The following SCN2A variants were observed in gnomAD, a reference collection of about 807,000 sequenced individuals.
The protein encoded by SCN2A is sodium channel protein type 2 subunit alpha.
SCN2A carries 20 observed loss-of-function variants against 188.7 expected under a neutral mutation model. That is an observed-to-expected ratio of 0.11 (90% confidence interval 0.07 to 0.15). The LOEUF is 0.15. Among genes scored for constraint, SCN2A ranks in the 10% least tolerant of loss-of-function variants. The probability of loss-of-function intolerance (pLI) is 1.00; values close to 1 mark genes in which losing one functional copy is unlikely to be tolerated. For missense variants in SCN2A, 1,278 were observed against 2,445.0 expected (o/e 0.52, Z 10.07); for synonymous variants, 804 against 833.1 (o/e 0.97, Z 0.60).
intron 16 of SCN2A, among the ~76,000 whole-genome samples, chr2:165,353,315 A>G (rs1700023056): frequency 6.6e-6 from 1 of 152,302 alleles, no homozygotes; most frequent in South Asian, 2.1e-4. Context: ...CCAGCAATAA[A>G]TACGTTTTTG....
At chr2:165,283,475 C>T (rs912038476) in intron 1 of SCN2A, among the ~76,000 whole-genome samples, 1 of 152,178 alleles carries the variant, frequency 6.6e-6, no homozygotes, top group African/African-American at 2.4e-5. Flanking sequence ...GTAAGCTCAT[C>T]CTCCATGCCT....
chr2:165,377,018 G>T (rs1487858131), intron 22 of SCN2A, among the ~76,000 whole-genome samples: 2 of 151,916 alleles, frequency 1.3e-5, no homozygotes, highest in Non-Finnish European at 2.9e-5. Flanking sequence ...CAACGGAGCA[G>T]AAAACAAATA....
Position 165,287,322 on chromosome 2 carries a change from C to A in SCN2A, c.-51-8451C>A, listed in dbSNP as rs188992393. ...GTGATCTGCCAGCACTTGGGAGGGG[C>A]AATATGTGCAGTGTGTTTACTGAAG... is the stretch of plus-strand genomic sequence containing the variant. On this transcript the variant is annotated intron_variant, in intron 1 of 26. Transcript: ENST00000375437. Among the ~76,000 whole-genome samples the A allele has an allele frequency of 3.3e-5, 5 of 152,210 alleles. No individual in the cohort carries two copies. In the East Asian group the frequency reaches 9.7e-4, roughly 29 times the overall value.
intron 23 of SCN2A, among the ~76,000 whole-genome samples, chr2:165,378,764 C>T (rs1432545): frequency 0.42 from 63,102 of 151,420 alleles, 13,324 homozygotes; most frequent in East Asian, 0.54. Flanking sequence ...AGACCTTTTC[C>T]GCTGCAAAAC....
chr2:165,358,773 A>G (rs1022992660), intron 17 of SCN2A, among the ~76,000 whole-genome samples: 2 of 151,840 alleles, frequency 1.3e-5, no homozygotes, highest in Non-Finnish European at 2.9e-5. Flanking sequence ...TGATCCACAA[A>G]CTCCTGTATA....
At chr2:165,251,314 A>G (rs1694081535) in intron 1 of SCN2A, among the ~76,000 whole-genome samples, 1 of 152,096 alleles carries the variant, frequency 6.6e-6, no homozygotes. Flanking sequence ...TCTGTGATTC[A>G]AGTGAGAGTC....
Position 165,313,612 on chromosome 2 carries a change from A to G in SCN2A, c.1035-8A>G. 6.2e-7 allele frequency: 1 copy of G among 1,613,170 alleles called. No homozygotes were observed. Among genetic ancestry groups the G allele is most frequent in the Non-Finnish European group, 8.5e-7 (1 of 1,179,306 alleles). ...TGACTTCCTTTCTTTCCTCTAACCTAATTATAGCCAGTGTCCTGAAGGATA... is the reference window on the plus strand; with the variant it reads ...TGACTTCCTTTCTTTCCTCTAACCTGATTATAGCCAGTGTCCTGAAGGATA... On this transcript the variant is annotated splice_polypyrimidine_tract_variant and splice_region_variant and intron_variant, in intron 8 of 26. Transcript: ENST00000375437.
chr2:165,388,585 T>G (rs373438732), intron 26 of SCN2A, 44 bp from the exon 27 acceptor site: 74 of 1,612,470 alleles, frequency 4.6e-5, no homozygotes, highest in Non-Finnish European at 6.3e-5. Flanking sequence ...CATTTGCTAC[T>G]ATTAAGTATA....
At chr2:165,340,855 A>G (rs1279492529) in intron 14 of SCN2A, among the ~76,000 whole-genome samples, 2 of 152,142 alleles carry the variant, frequency 1.3e-5, no homozygotes, top group African/African-American at 4.8e-5. Context: ...CAAGCAAGAT[A>G]ATTGTTTAAA....
At chr2:165,274,525 C>A (rs1032417997) in intron 1 of SCN2A, among the ~76,000 whole-genome samples, 4 of 152,088 alleles carry the variant, frequency 2.6e-5, no homozygotes, top group Non-Finnish European at 5.9e-5. Flanking sequence ...TAGAAAAATA[C>A]ATTACCAAAA....
intron 1 of SCN2A, chr2:165,285,947 G>T: frequency 8.9e-6 from 2 of 224,132 alleles, no homozygotes; most frequent in South Asian, 1.6e-4. Context: ...GGGGCAAAAT[G>T]ACCCTGTATT....
intron 1 of SCN2A, among the ~76,000 whole-genome samples, chr2:165,261,454 G>A (rs1471365753): frequency 2.6e-5 from 4 of 152,236 alleles, no homozygotes; most frequent in African/African-American, 9.6e-5. Flanking sequence ...AAATACTCCA[G>A]TTCTGAATTG....
At chr2:165,249,681 A>G (rs760357018) in intron 1 of SCN2A, among the ~76,000 whole-genome samples, 4 of 151,990 alleles carry the variant, frequency 2.6e-5, no homozygotes, top group Non-Finnish European at 5.9e-5. Flanking sequence ...ACCAAGATCT[A>G]ATGGAAGCCA....
intron 23 of SCN2A, among the ~76,000 whole-genome samples, chr2:165,379,990 T>G (rs1701513929): frequency 6.6e-6 from 1 of 151,844 alleles, no homozygotes; most frequent in African/African-American, 2.4e-5. Flanking sequence ...AGATTCATTT[T>G]CAGAAAGGAA....
At chr2:165,326,731 G>A (rs990276951) in intron 12 of SCN2A, 121 bp from the exon 13 acceptor site, 25 of 1,133,198 alleles carry the variant, frequency 2.2e-5, no homozygotes, top group Admixed American at 3.5e-5. Context: ...ATATCTTAGT[G>A]AGCTTTTTAC....
chr2:165,290,876 T>A, intron 1 of SCN2A: 1 of 730,712 alleles, frequency 1.4e-6, no homozygotes, highest in African/African-American at 1.9e-5. Context: ...AATGTTACTT[T>A]CCAAAAGTGG....
rs1229209018 is a variant in SCN2A at position 165,370,156 on chromosome 2, A to G, written c.3706A>G (p.Lys1236Glu). The stretch of plus-strand genomic sequence containing the variant: ...TGAAGATATATACATTGAGCAGCGA[A>G]AAACCATTAAGACCATGTTAGAATA... The part of the protein sequence containing the change: ...AFEDIYIEQR[K>E]TIKTMLEYAD... The change falls in exon 20 of 27, where the codon AAA becomes GAA. Residue 1236 changes from lysine (K) to glutamate (E), a missense_variant. Around this residue, in one of 17 missense-constraint regions of SCN2A, gnomAD observed 228 missense variants for 297.3 expected, o/e 0.77. Coordinates refer to ENST00000375437, the MANE Select transcript of SCN2A (RefSeq NM_001040142.2). 1 of 1,614,016 alleles carries G rather than the reference A, an allele frequency of 6.2e-7. No individual in the cohort carries two copies. Among genetic ancestry groups the G allele is most frequent in the African/African-American group, 1.3e-5 (1 of 74,922 alleles).
At chr2:165,290,897 A>G in intron 1 of SCN2A, 4 of 462,410 alleles carry the variant, frequency 8.7e-6, no homozygotes, top group Non-Finnish European at 1.1e-5. Context: ...AGGCACTGCA[A>G]ATATGATGAG....
Position 165,365,236 on chromosome 2 carries a change from C to G in SCN2A, c.3493C>G (p.Leu1165Val). 1 of 1,613,920 alleles carries G rather than the reference C, an allele frequency of 6.2e-7. No individual in the cohort carries two copies. Among genetic ancestry groups the G allele is most frequent in the African/African-American group, 1.3e-5 (1 of 75,022 alleles). Residue 1165 changes from leucine (L) to valine (V), a missense_variant, in exon 18 of 27, where the codon CTT becomes GTT. Leu to Val is a conservative substitution (Grantham distance 32). Around this residue, in one of 17 missense-constraint regions of SCN2A, gnomAD observed 228 missense variants for 297.3 expected, o/e 0.77. Transcript: ENST00000375437. ...EQPEVEPEES[L>V]EPEACFTEDC... is the part of the protein sequence containing the mutation. ...GCCTGAGGTTGAACCTGAGGAATCC[C>G]TTGAACCTGAAGCCTGTTTTACAGA...
Sources: allele counts gnomAD v4.1 joint callset (sites outside exome capture counted in the v4.1 genomes callset), GRCh38; gene constraint gnomAD v4.1.1; regional missense constraint gnomAD v4.1.1; transcripts MANE v1.5; gene names NCBI Gene and HGNC (gene_info 2026-07-23, HGNC 2026-07-21).